Variants in FOSL2 observed in about 807,000 individuals in gnomAD.
FOSL2 encodes FOS like 2, AP-1 transcription factor subunit, also known as fos-related antigen 2.
Under a neutral mutation model 27.7 loss-of-function variants are expected in FOSL2, and 3 were observed. The ratio of observed to expected loss-of-function variants is 0.11; its 90% CI spans 0.05 to 0.28. FOSL2 has a LOEUF of 0.28. Among genes scored for constraint, FOSL2 ranks in the 10% least tolerant of loss-of-function variants. FOSL2 has a pLI of 1.00. For missense variants in FOSL2, 333 were observed against 445.1 expected, an observed-to-expected ratio of 0.75 and a Z score of 2.27; for synonymous variants, 179 against 190.1, an observed-to-expected ratio of 0.94 and a Z score of 0.48.
intron 2 of FOSL2, among the ~76,000 whole-genome samples, chr2:28,406,391 C>A (rs1664084152): frequency 6.6e-6 from 1 of 152,204 alleles, no homozygotes; most frequent in African/African-American, 2.4e-5. Flanking sequence ...GGGCCTACCT[C>A]ACACCAAATT....
chr2:28,393,587 A>C lies in FOSL2; in HGVS notation c.-134A>C. 1.6e-6 allele frequency: 1 copy of C among 628,392 alleles called. No individual in the cohort carries two copies. Among genetic ancestry groups the C allele is most frequent in the Non-Finnish European group, 2.7e-6 (1 of 364,588 alleles). The allele number at this position is 628,392 out of a possible 1,614,324, so 38.9% of individuals were successfully genotyped here. On this transcript the variant is annotated 5_prime_UTR_variant, in exon 1 of 4. Coordinates refer to ENST00000264716, the MANE Select transcript of FOSL2 (RefSeq NM_005253.4). The surrounding 1 kb of genome is among the most constrained non-coding windows in gnomAD (Gnocchi z 4.6). ...CTGTCCTCGCCCTCCGCGGTGGGGG[A>C]GAAACCCAGGAGCGAAGCCCAGAGC...
At chr2:28,401,859 G>A (rs770640566) in intron 1 of FOSL2, among the ~76,000 whole-genome samples, 15 of 151,794 alleles carry the variant, frequency 9.9e-5, no homozygotes, top group Non-Finnish European at 1.6e-4. Context: ...CTCTCTTCAC[G>A]GGATCCCAGA....
At position 28,393,799 on chromosome 2, in the gene FOSL2, T is replaced by C; in HGVS notation, c.79T>C (p.Ser27Pro). 1 of 1,603,144 alleles carries C rather than the reference T, an allele frequency of 6.2e-7. No homozygotes were observed. Reference sequence around the variant, plus strand: ...CTCTCCTGCGCACGCCGAGTCCTACTCCAGCGGCGGCGGCGGCCAGCAGGT... The same window carrying C: ...CTCTCCTGCGCACGCCGAGTCCTACCCCAGCGGCGGCGGCGGCCAGCAGGT... ...SGSPAHAESY[S>P]SGGGGQQKFR... The change falls in exon 1 of 4, where the codon TCC becomes CCC. Residue 27 changes from serine (S) to proline (P), a missense_variant. Around this residue, in one of 4 missense-constraint regions of FOSL2, gnomAD observed 131 missense variants for 157.9 expected, o/e 0.83. Transcript: ENST00000264716. This position sits in a 1 kb window ranked among gnomAD's most constrained non-coding sequence, Gnocchi z 4.6.
chr2:28,393,766 A>G lies in FOSL2; in HGVS notation c.46A>G (p.Ser16Gly). The G allele has an allele frequency of 1.2e-6, 2 of 1,609,876 alleles. No homozygotes were observed. The highest frequency in any genetic ancestry group is 2.2e-5 in the East Asian group (1 of 44,644). ...GAACTTTGACACCTCGTCCCGGGGCAGCAGCGGCTCTCCTGCGCACGCCGA... is the reference window on the plus strand; with the variant it reads ...GAACTTTGACACCTCGTCCCGGGGCGGCAGCGGCTCTCCTGCGCACGCCGA... ...PGNFDTSSRG[S>G]SGSPAHAESY... is the part of the protein sequence containing the mutation. Residue 16 changes from serine (S) to glycine (G), a missense_variant, in exon 1 of 4, where the codon AGC (serine) becomes GGC (glycine). Transcript: ENST00000264716. This position sits in a 1 kb window ranked among gnomAD's most constrained non-coding sequence, Gnocchi z 4.6.
Position 28,412,741 on chromosome 2 carries a change from A to C in FOSL2, c.*293A>C. The C allele has an allele frequency of 2.4e-6, 1 of 423,962 alleles. No homozygotes were observed. Among genetic ancestry groups the C allele is most frequent in the African/African-American group, 2.0e-5 (1 of 51,258 alleles). 26.3% of individuals were successfully genotyped at this position (423,962 alleles called of 1,614,324 possible). On this transcript the variant is annotated 3_prime_UTR_variant, in exon 4 of 4. Transcript: ENST00000264716. This position sits in a 1 kb window ranked among gnomAD's most constrained non-coding sequence, Gnocchi z 7.1. Reference sequence around the variant, plus strand: ...GACTTGGACATCTCTCTGGCTTCTGAAGAGCCTGAAGCTGGCCTGGACCAT... The same window carrying C: ...GACTTGGACATCTCTCTGGCTTCTGCAGAGCCTGAAGCTGGCCTGGACCAT...
rs1664228172 is a variant in FOSL2, at chr2:28,412,624, G to T, written c.*176G>T. 1 of 639,804 alleles carries T rather than the reference G, an allele frequency of 1.6e-6. No individual in the cohort carries two copies. Among genetic ancestry groups the T allele is most frequent in the South Asian group, 2.2e-5 (1 of 45,782 alleles). The allele number at this position is 639,804 out of a possible 1,614,324, so 39.6% of individuals were successfully genotyped here. A position where few individuals can be genotyped will look rare whatever the true frequency, so the allele number is the denominator to read the frequency against. ...TAGCAGTGAGTATTGGAAGACTTGG[G>T]TTGATCTCTTAGAAGCCATGGGACC... On this transcript the variant is annotated 3_prime_UTR_variant, in exon 4 of 4. Transcript: ENST00000264716. The surrounding 1 kb of genome is among the most constrained non-coding windows in gnomAD (Gnocchi z 7.1).
chr2:28,415,472 A>G lies in FOSL2; in HGVS notation c.*3024A>G, dbSNP rs1238024148. 6 of 152,334 alleles carry G rather than the reference A, an allele frequency of 3.9e-5. No individual in the cohort carries two copies. Among genetic ancestry groups the G allele is most frequent in the African/African-American group, 1.2e-4 (5 of 41,572 alleles). The allele number at this position is 152,334 out of a possible 1,614,324, so 9.4% of individuals were successfully genotyped here. A position where few individuals can be genotyped will look rare whatever the true frequency, so the allele number is the denominator to read the frequency against. ...CACAAGCATCTCAAAGTCAAAAGCCATCTGGGGCTGCTGCTTCTGTTTCTC... is the reference window on the plus strand; with the variant it reads ...CACAAGCATCTCAAAGTCAAAAGCCGTCTGGGGCTGCTGCTTCTGTTTCTC... On this transcript the variant is annotated 3_prime_UTR_variant, in exon 4 of 4. Transcript: ENST00000264716.
At position 28,414,367 on chromosome 2, in the gene FOSL2, T is replaced by C. The variant is rs1196820360; in HGVS notation, c.*1919T>C. Reference sequence around the variant, plus strand: ...AAGGAGGGTTTCAAAGAAAAAGGATTTTGTTTAAAATACTTTAAAAATGTT... The same window carrying C: ...AAGGAGGGTTTCAAAGAAAAAGGATCTTGTTTAAAATACTTTAAAAATGTT... On this transcript the variant is annotated 3_prime_UTR_variant, in exon 4 of 4. Transcript: ENST00000264716. 1 of 152,334 alleles carries C rather than the reference T, an allele frequency of 6.6e-6. No homozygotes were observed. Among genetic ancestry groups the C allele is most frequent in the Non-Finnish European group, 1.5e-5 (1 of 68,138 alleles). 9.4% of individuals were successfully genotyped at this position (152,334 alleles called of 1,614,324 possible). A position where few individuals can be genotyped will look rare whatever the true frequency, so the allele number is the denominator to read the frequency against.
At chr2:28,397,007 G>C (rs1000395338) in intron 1 of FOSL2, 1 of 152,120 alleles carries the variant, frequency 6.6e-6, no homozygotes, top group Non-Finnish European at 1.5e-5. Flanking sequence ...TATTTTTCCA[G>C]TCCCAGAGAG....
In FOSL2 at chr2:28,411,844, C is replaced by T. The variant is rs749330674; in HGVS notation, c.463-86C>T. ...GTGTGAGCCTCTGCTCTCACAGTGT[C>T]TGAGAACATTACTGGTTTTCTCTTT... On this transcript the variant is annotated intron_variant, in intron 3 of 3. Transcript: ENST00000264716. The T allele has an allele frequency of 5.3e-5, 77 of 1,451,932 alleles. 1 individual carries two copies. In the South Asian group the frequency reaches 8.8e-4, roughly 17 times the overall value. The allele number at this position is 1,451,932 out of a possible 1,614,324, so 89.9% of individuals were successfully genotyped here. A position where few individuals can be genotyped will look rare whatever the true frequency, so the allele number is the denominator to read the frequency against.
At position 28,392,945 on chromosome 2, in the gene FOSL2, G is replaced by GGA. The variant is rs72195155; in HGVS notation, c.-756_-755dup. ...CGGCGCTCGGCGGGGACAGAAAGAG[G>GGA]GAGAGAGAGAGAGAGAGAGAGGGAG... On this transcript the variant is annotated 5_prime_UTR_variant, in exon 1 of 4. Transcript: ENST00000264716. The GGA allele has an allele frequency of 0.018, 12,320 of 668,982 alleles. 542 individuals are homozygous for GGA. The highest frequency in any genetic ancestry group is 0.16 in the African/African-American group (8,414 of 54,186). The allele number at this position is 668,982 out of a possible 1,614,324, so 41.4% of individuals were successfully genotyped here. A position where few individuals can be genotyped will look rare whatever the true frequency, so the allele number is the denominator to read the frequency against.
rs1664256513 is a variant in FOSL2, at chr2:28,413,761, C to T, written c.*1313C>T. 1 of 398,952 alleles carries T rather than the reference C, an allele frequency of 2.5e-6. No homozygotes were observed. Among genetic ancestry groups the T allele is most frequent in the Non-Finnish European group, 4.4e-6 (1 of 226,262 alleles). 24.7% of individuals were successfully genotyped at this position (398,952 alleles called of 1,614,324 possible). On this transcript the variant is annotated 3_prime_UTR_variant, in exon 4 of 4. Coordinates refer to ENST00000264716, the MANE Select transcript of FOSL2 (RefSeq NM_005253.4). ...ACTCCCCTGTCCCCACCCCAGTGCA[C>T]TCTTCTGGCCCAGGCAGCAAGCAAG...
chr2:28,409,350 C>G (rs188942453), intron 3 of FOSL2, among the ~76,000 whole-genome samples: 1 of 152,184 alleles, frequency 6.6e-6, no homozygotes. Context: ...AGATAGGTCA[C>G]GTGGCAGCAG....
At position 28,404,332 on chromosome 2, in the gene FOSL2, G is replaced by T; in HGVS notation, c.328G>T (p.Val110Leu). ...PGVIKTIGTT[V>L]GRRRRDEQLS... ...CGTGATCAAGACCATTGGCACCACC[G>T]TGGGCCGCAGGAGGAGAGATGAGCA... The change falls in exon 2 of 4, where the codon GTG becomes TTG. Residue 110 changes from valine to leucine, a missense_variant. By Grantham distance (32) the Val-to-Leu change is conservative. Transcript: ENST00000264716. The surrounding 1 kb of genome is among the most constrained non-coding windows in gnomAD (Gnocchi z 4.7). The T allele has an allele frequency of 6.2e-7, 1 of 1,614,160 alleles. No individual in the cohort carries two copies. The highest frequency in any genetic ancestry group is 8.5e-7 in the Non-Finnish European group (1 of 1,180,018).
intron 1 of FOSL2, among the ~76,000 whole-genome samples, chr2:28,401,473 T>C (rs1201239907): frequency 6.6e-6 from 1 of 152,298 alleles, no homozygotes; most frequent in East Asian, 1.9e-4. Context: ...ATCCATGGAA[T>C]TGAGTCCTTG....
intron 2 of FOSL2, among the ~76,000 whole-genome samples, chr2:28,405,408 G>A (rs903287925): frequency 6.6e-6 from 1 of 152,170 alleles, no homozygotes; most frequent in African/African-American, 2.4e-5. Context: ...TTTAGCAGTG[G>A]AATCCCTTTT....
At position 28,412,654 on chromosome 2, in the gene FOSL2, C is replaced by T. The variant is rs898197125; in HGVS notation, c.*206C>T. 1.8e-6 allele frequency: 1 copy of T among 557,332 alleles called. No homozygotes were observed. Among genetic ancestry groups the T allele is most frequent in the Admixed American group, 3.0e-5 (1 of 32,916 alleles). The allele number at this position is 557,332 out of a possible 1,614,324, so 34.5% of individuals were successfully genotyped here. A position where few individuals can be genotyped will look rare whatever the true frequency, so the allele number is the denominator to read the frequency against. On this transcript the variant is annotated 3_prime_UTR_variant, in exon 4 of 4. Coordinates refer to ENST00000264716, the MANE Select transcript of FOSL2 (RefSeq NM_005253.4). This position sits in a 1 kb window ranked among gnomAD's most constrained non-coding sequence, Gnocchi z 7.1. The stretch of plus-strand genomic sequence containing the variant: ...TCTCTTAGAAGCCATGGGACCTCCT[C>T]CCTCATTCATCTTGCAAGCAAATCC...
rs146211592 is a variant in FOSL2 at position 28,409,888 on chromosome 2, C to T, written c.462+1022C>T. On this transcript the variant is annotated intron_variant, in intron 3 of 3. Transcript: ENST00000264716. Reference sequence around the variant, plus strand: ...CCCAACTAGCGGGGATTACAGGTGCCTGCCACCATGCCCGGCTAATTTTTG... The same window carrying T: ...CCCAACTAGCGGGGATTACAGGTGCTTGCCACCATGCCCGGCTAATTTTTG... Among the ~76,000 whole-genome samples, 156 of 152,302 alleles carry T rather than the reference C, an allele frequency of 1.0e-3. 1 individual carries two copies. Among genetic ancestry groups the T allele is most frequent in the African/African-American group, 3.5e-3 (145 of 41,566 alleles).
At position 28,413,326 on chromosome 2, in the gene FOSL2, G is replaced by A. The variant is rs7601341; in HGVS notation, c.*878G>A. 5.0e-5 allele frequency: 20 copies of A among 396,998 alleles called. No individual in the cohort carries two copies. Among genetic ancestry groups the A allele is most frequent in the African/African-American group, 3.1e-4 (15 of 48,712 alleles). The allele number at this position is 396,998 out of a possible 1,614,324, so 24.6% of individuals were successfully genotyped here. A position where few individuals can be genotyped will look rare whatever the true frequency, so the allele number is the denominator to read the frequency against. ...CTTCACCTGGTGTCTTGAGTAGGGCGTCTCCTGTAATTACTGCCTTGCCAT... is the reference window on the plus strand; with the variant it reads ...CTTCACCTGGTGTCTTGAGTAGGGCATCTCCTGTAATTACTGCCTTGCCAT... On this transcript the variant is annotated 3_prime_UTR_variant, in exon 4 of 4. Transcript: ENST00000264716.
Sources: allele counts gnomAD v4.1 joint callset (sites outside exome capture counted in the v4.1 genomes callset), GRCh38; gene constraint gnomAD v4.1.1; regional missense constraint gnomAD v4.1.1; non-coding constraint Gnocchi (gnomAD v3.1); transcripts MANE v1.5; gene names NCBI Gene and HGNC (gene_info 2026-07-23, HGNC 2026-07-21).